The following PXN variants were observed in gnomAD, a reference collection of about 807,000 sequenced individuals.
PXN encodes testicular tissue protein Li 134.
A neutral mutation model predicts 103.6 loss-of-function variants in PXN; 61 were observed. The observed-to-expected ratio is 0.59, with a 90% CI of 0.48 to 0.73. The LOEUF is 0.73. Among genes scored for constraint, PXN ranks in the 30% least tolerant of loss-of-function variants. The pLI is 0.00. For synonymous variants in PXN, 562 were observed against 607.8 expected (o/e 0.92, Z 1.11); for missense variants, 1,274 against 1,460.3 (o/e 0.87, Z 2.08).
chr12:120,250,308 TC>T, intron 1 of PXN: 1 of 522,474 alleles, frequency 1.9e-6, no homozygotes, highest in Non-Finnish European at 2.5e-6. Flanking sequence ...CCAGGGTGGG[TC>T]CCACAGATCA....
In PXN at chr12:120,215,929, C is replaced by G; in HGVS notation, c.2302-268G>C. 1 of 1,386,076 alleles carries G rather than the reference C, an allele frequency of 7.2e-7. No individual in the cohort carries two copies. Among genetic ancestry groups the G allele is most frequent in the Non-Finnish European group, 9.3e-7 (1 of 1,071,204 alleles). 85.9% of individuals were successfully genotyped at this position (1,386,076 alleles called of 1,614,324 possible). On this transcript the variant is annotated intron_variant, in intron 9 of 14. Coordinates refer to ENST00000637617, the MANE Select transcript of PXN (RefSeq NM_001385981.1). The surrounding 1 kb of genome is among the most constrained non-coding windows in gnomAD (Gnocchi z 4.9). Reference sequence around the variant, plus strand: ...GGCCGGGCTCAGTGATGAGGCCTCACCGGGCGCTGGGCCTGGGGGCTGGAA... The same window carrying G: ...GGCCGGGCTCAGTGATGAGGCCTCAGCGGGCGCTGGGCCTGGGGGCTGGAA...
chr12:120,264,828 T>A (rs1015526621), intron 1 of PXN, among the ~76,000 whole-genome samples: 1 of 152,056 alleles, frequency 6.6e-6, no homozygotes, highest in Non-Finnish European at 1.5e-5. Flanking sequence ...GACTCCCAAA[T>A]TACCGTTCTA....
In PXN at chr12:120,265,014, T is replaced by C. The variant is rs867545170; in HGVS notation, c.13+603A>G. Among the ~76,000 whole-genome samples the C allele has an allele frequency of 6.6e-6, 1 of 151,738 alleles. No homozygotes were observed. The highest frequency in any genetic ancestry group is 1.5e-5 in the Non-Finnish European group (1 of 67,956). ...ACTTGTCTTTGAAATGGGGGTGTGG[T>C]CATCACACGCTCATCTCTAGCTTTT... On this transcript the variant is annotated intron_variant, in intron 1 of 14. Coordinates refer to ENST00000637617, the MANE Select transcript of PXN (RefSeq NM_001385981.1). The surrounding 1 kb of genome is among the most constrained non-coding windows in gnomAD (Gnocchi z 5.7).
rs550043570 is a variant in PXN, at chr12:120,245,071, G to A, written c.13+20546C>T. Among the ~76,000 whole-genome samples the A allele has an allele frequency of 3.3e-5, 5 of 152,042 alleles. No individual in the cohort carries two copies. The East Asian group carries it at 9.7e-4, about 29-fold the overall frequency. ...TGGGACTGGGTGACTCTCTGGCTTG[G>A]TGCTGGGGAAGGAGGAGGAGGGGCA... On this transcript the variant is annotated intron_variant, in intron 1 of 14. Coordinates refer to ENST00000637617, the MANE Select transcript of PXN (RefSeq NM_001385981.1).
At chr12:120,236,235 C>A (rs985927810) in intron 1 of PXN, among the ~76,000 whole-genome samples, 1 of 152,362 alleles carries the variant, frequency 6.6e-6, no homozygotes, top group Non-Finnish European at 1.5e-5. Context: ...CACTGGCTCT[C>A]GACCCTGACG....
In PXN at chr12:120,219,923, C is replaced by G. The variant is rs767104229; in HGVS notation, c.1000G>C (p.Glu334Gln). 1 of 1,597,976 alleles carries G rather than the reference C, an allele frequency of 6.3e-7. No homozygotes were observed. Among genetic ancestry groups the G allele is most frequent in the Non-Finnish European group, 8.5e-7 (1 of 1,179,412 alleles). The change falls in exon 7 of 15, where the codon GAG (glutamate) becomes CAG (glutamine). Residue 334 changes from glutamate to glutamine, a missense_variant. By Grantham distance (29) the Glu-to-Gln change is conservative. Transcript: ENST00000637617. This position sits in a 1 kb window ranked among gnomAD's most constrained non-coding sequence, Gnocchi z 6.5. ...GGTAGAAGGCCTCGTCCACTCTGCT[C>G]AGTACAAGGGAACTCCGGAGTGTGG... ...QGHTPEFPCT[E>Q]QSGRGLLPPV...
chr12:120,261,082 C>G lies in PXN; in HGVS notation c.13+4535G>C, dbSNP rs1008157325. The stretch of plus-strand genomic sequence containing the variant: ...ACTTATAAAACAGGTAGTAGTAATA[C>G]GACTACTAATAAAACCTGCCTCATA... On this transcript the variant is annotated intron_variant, in intron 1 of 14. Transcript: ENST00000637617. 1.3e-5 allele frequency among the ~76,000 whole-genome samples: 2 copies of G among 152,142 alleles called. 1 individual carries two copies. The highest frequency in any genetic ancestry group is 1.3e-4 in the Admixed American group (2 of 15,282).
At chr12:120,259,689 T>C (rs1893563137) in intron 1 of PXN, among the ~76,000 whole-genome samples, 1 of 152,132 alleles carries the variant, frequency 6.6e-6, no homozygotes, top group South Asian at 2.1e-4. Context: ...GGAAGACTTA[T>C]CAGGGTATGA....
chr12:120,251,255 C>T (rs1414229780), intron 1 of PXN, among the ~76,000 whole-genome samples: 4 of 151,812 alleles, frequency 2.6e-5, no homozygotes, highest in East Asian at 1.9e-4. Flanking sequence ...TGGTGGCTCA[C>T]GCCTGTAATC....
Position 120,215,605 on chromosome 12 carries a change from AGGCCAGCC to A in PXN, c.2350_2357del (p.Gly784SerfsTer48), listed in dbSNP as rs1445113744. On this transcript the variant is annotated frameshift_variant, in exon 10 of 15. Coordinates refer to ENST00000637617, the MANE Select transcript of PXN (RefSeq NM_001385981.1). LOFTEE classifies it high-confidence loss of function. The surrounding 1 kb of genome is among the most constrained non-coding windows in gnomAD (Gnocchi z 4.9). Reference sequence around the variant, plus strand: ...CGGGGCTGCTCCGCCCGCCGTCCCGAGGCCAGCCGGCCGCCCAGCACCGCTCCCCATCC... The same window carrying A: ...CGGGGCTGCTCCGCCCGCCGTCCCGAGGCCGCCCAGCACCGCTCCCCATCC... 3 of 1,610,888 alleles carry A rather than the reference AGGCCAGCC, an allele frequency of 1.9e-6. No individual in the cohort carries two copies. The highest frequency in any genetic ancestry group is 2.5e-6 in the Non-Finnish European group (3 of 1,178,824).
chr12:120,241,642 C>G (rs1343947088), intron 1 of PXN, among the ~76,000 whole-genome samples: 1 of 152,150 alleles, frequency 6.6e-6, no homozygotes, highest in Non-Finnish European at 1.5e-5. Context: ...CGGCAGTGGG[C>G]CAGGAGGAAA....
intron 1 of PXN, among the ~76,000 whole-genome samples, chr12:120,230,086 T>C (rs1887698575): frequency 2.0e-5 from 3 of 152,158 alleles, no homozygotes; most frequent in Admixed American, 2.0e-4. Context: ...TCACCCACCT[T>C]CTTCTGCAGG....
rs764514205 is a variant in PXN at position 120,222,608 on chromosome 12, G to A, written c.636C>T (p.Asp212=). The change falls in exon 5 of 15, where the codon GAC becomes GAT. Residue 212 remains aspartate (D), a synonymous_variant. Transcript: ENST00000637617. The surrounding 1 kb of genome is among the most constrained non-coding windows in gnomAD (Gnocchi z 4.7). ...PKRNGGRGLE[D]VRPSVESLLD... is the part of the protein sequence containing the mutation. ...AGAGACTCTCCACACTGGGCCGCACGTCCTCCAGGCCCCGGCCCCCATTCC... is the reference window on the plus strand; with the variant it reads ...AGAGACTCTCCACACTGGGCCGCACATCCTCCAGGCCCCGGCCCCCATTCC... 1.9e-5 allele frequency: 30 copies of A among 1,609,472 alleles called. No individual in the cohort carries two copies. The African/African-American group carries it at 1.9e-4, about 10-fold the overall frequency.
rs1883780936 is a variant in PXN, at chr12:120,217,974, T to C, written c.1717-858A>G. Among the ~76,000 whole-genome samples, 1 of 151,768 alleles carries C rather than the reference T, an allele frequency of 6.6e-6. No homozygotes were observed. Among genetic ancestry groups the C allele is most frequent in the Non-Finnish European group, 1.5e-5 (1 of 67,994 alleles). ...TAATATTATATTATGCTATTATACT[T>C]GTTGGTAGTGTTTTGGGGGTTTTTG... is the stretch of plus-strand genomic sequence containing the variant. On this transcript the variant is annotated intron_variant, in intron 7 of 14. Transcript: ENST00000637617. This position sits in a 1 kb window ranked among gnomAD's most constrained non-coding sequence, Gnocchi z 4.1.
At chr12:120,226,554 A>G (rs1886925329) in intron 1 of PXN, 4 of 1,217,112 alleles carry the variant, frequency 3.3e-6, no homozygotes, top group Non-Finnish European at 4.2e-6. Flanking sequence ...GGACTCCACC[A>G]AACACCCGCT....
chr12:120,248,492 T>TCTCACACACACACA (rs1299076758), intron 1 of PXN, among the ~76,000 whole-genome samples: 2 of 127,842 alleles, frequency 1.6e-5, no homozygotes, highest in African/African-American at 6.2e-5. Context: ...CAGATGACTT[T>TCTCACACACACACA]CACACACACA....
chr12:120,248,504 A>T (rs1415970390), intron 1 of PXN, among the ~76,000 whole-genome samples: 1 of 144,388 alleles, frequency 6.9e-6, no homozygotes, highest in Admixed American at 6.9e-5. Flanking sequence ...ACACACACAC[A>T]CACACACACA....
chr12:120,262,103 C>T (rs1429154216), intron 1 of PXN, among the ~76,000 whole-genome samples: 2 of 152,234 alleles, frequency 1.3e-5, no homozygotes, highest in African/African-American at 2.4e-5. Context: ...AAAGTCCAGA[C>T]TTTCCATGGA....
intron 1 of PXN, among the ~76,000 whole-genome samples, chr12:120,237,146 T>TACAC (rs1555319258): frequency 8.0e-6 from 1 of 125,460 alleles, no homozygotes; most frequent in African/African-American, 3.4e-5. Context: ...TGTGTGTGTG[T>TACAC]ATACACACAC....
Sources: gnomAD v4.1 joint callset for allele counts (sites outside exome capture counted in the v4.1 genomes callset) on GRCh38, gnomAD v4.1.1 for gene constraint, Gnocchi (gnomAD v3.1) non-coding constraint, MANE v1.5 for transcripts, NCBI Gene and HGNC (gene_info 2026-07-23, HGNC 2026-07-21) for gene names.